The following LEF1 variants were observed in gnomAD, a reference collection of about 807,000 sequenced individuals.
The protein encoded by LEF1 is lymphoid enhancer binding factor 1.
LEF1 carries 14 observed loss-of-function variants against 51.2 expected under a neutral mutation model. That is an observed-to-expected ratio of 0.27 (90% CI 0.18 to 0.43). LEF1 has a LOEUF of 0.43. Among genes scored for constraint, LEF1 ranks in the 20% least tolerant of loss-of-function variants. LEF1 has a pLI of 1.00. For missense variants in LEF1, 386 were observed against 512.0 expected, an observed-to-expected ratio of 0.75 and a Z score of 2.37; for synonymous variants, 185 against 183.2, an observed-to-expected ratio of 1.01 and a Z score of -0.08.
chr4:108,074,324 T>G (rs1738701775), intron 8 of LEF1, among the ~76,000 whole-genome samples: 1 of 152,220 alleles, frequency 6.6e-6, no homozygotes, highest in African/African-American at 2.4e-5. Context: ...CCATTTAATT[T>G]GAATAAACTT....
At chr4:108,143,044 A>G (rs1743770493) in intron 3 of LEF1, among the ~76,000 whole-genome samples, 1 of 152,208 alleles carries the variant, frequency 6.6e-6, no homozygotes, top group South Asian at 2.1e-4. Context: ...ATTCTGCACA[A>G]AACTTCTTAG....
chr4:108,101,918 G>A (rs1489832363), intron 3 of LEF1, among the ~76,000 whole-genome samples: 1 of 152,058 alleles, frequency 6.6e-6, no homozygotes, highest in Non-Finnish European at 1.5e-5. Flanking sequence ...AAATTAGCCA[G>A]ACATGGTGGC....
chr4:108,133,403 C>T (rs1394242384), intron 3 of LEF1, among the ~76,000 whole-genome samples: 1 of 152,162 alleles, frequency 6.6e-6, no homozygotes, highest in African/African-American at 2.4e-5. Flanking sequence ...ATTACAGACT[C>T]GTCCTTCATT....
chr4:108,063,731 G>A, intron 10 of LEF1, 68 bp from the exon 11 acceptor site: 1 of 999,600 alleles, frequency 1.0e-6, no homozygotes, highest in Non-Finnish European at 1.5e-6. Flanking sequence ...ATACGTAGTA[G>A]CTACAATATC....
chr4:108,087,666 GA>G (rs1363875309), intron 4 of LEF1, among the ~76,000 whole-genome samples: 1 of 152,074 alleles, frequency 6.6e-6, no homozygotes, highest in African/African-American at 2.4e-5. Context: ...TAGGACCTAG[GA>G]CAGGGTAAGC....
chr4:108,113,473 A>G (rs1560799537), intron 3 of LEF1, among the ~76,000 whole-genome samples: 1 of 152,156 alleles, frequency 6.6e-6, no homozygotes, highest in Non-Finnish European at 1.5e-5. Flanking sequence ...GGAAACGGGG[A>G]CCAAAGTTAG....
intron 3 of LEF1, among the ~76,000 whole-genome samples, chr4:108,093,735 G>C (rs1199522447): frequency 2.0e-5 from 3 of 151,464 alleles, no homozygotes; most frequent in Non-Finnish European, 4.4e-5. Context: ...CAAAGGAAAA[G>C]ACAAAAAGAG....
chr4:108,109,197 C>T (rs1741366010), intron 3 of LEF1, among the ~76,000 whole-genome samples: 2 of 152,212 alleles, frequency 1.3e-5, no homozygotes, highest in Admixed American at 6.5e-5. Flanking sequence ...AAGAGAAATC[C>T]ACTCCTTGTA....
intron 3 of LEF1, among the ~76,000 whole-genome samples, chr4:108,155,022 A>G (rs1042190474): frequency 2.4e-4 from 36 of 152,304 alleles, no homozygotes; most frequent in African/African-American, 8.4e-4. Flanking sequence ...AATTTAAGCC[A>G]GAAGGAAATT....
At chr4:108,113,341 T>TG (rs1741641822) in intron 3 of LEF1, among the ~76,000 whole-genome samples, 1 of 151,846 alleles carries the variant, frequency 6.6e-6, no homozygotes, top group Non-Finnish European at 1.5e-5. Context: ...TGAGTTTGGG[T>TG]GGGGGAAGTG....
At chr4:108,140,054 T>G (rs2110369710) in intron 3 of LEF1, among the ~76,000 whole-genome samples, 1 of 152,114 alleles carries the variant, frequency 6.6e-6, no homozygotes, top group East Asian at 1.9e-4. Context: ...CAGCTTTCAA[T>G]AAACATAAAA....
chr4:108,167,634 T>C lies in LEF1; in HGVS notation c.134A>G (p.Glu45Gly), dbSNP rs1745498539. The C allele has an allele frequency of 1.2e-6, 2 of 1,614,162 alleles. No homozygotes were observed. Among genetic ancestry groups the C allele is most frequent in the East Asian group, 4.5e-5 (2 of 44,866 alleles). The change falls in exon 1 of 12, where the codon GAA (glutamate) becomes GGA (glycine). Residue 45 changes from glutamate (E) to glycine (G), a missense_variant. Coordinates refer to ENST00000265165, the MANE Select transcript of LEF1 (RefSeq NM_016269.5). The surrounding 1 kb of genome is among the most constrained non-coding windows in gnomAD (Gnocchi z 5.7). ...EKIFAEISHP[E>G]EEGDLADIKS... ...GATGTCAGCTAAATCGCCTTCCTCT[T>C]CGGGATGACTGATCTCGGCGAAGAT...
chr4:108,049,611 CAGCGATGCTGGA>C (rs1259163747), intron 11 of LEF1, among the ~76,000 whole-genome samples: 1 of 152,224 alleles, frequency 6.6e-6, no homozygotes, highest in African/African-American at 2.4e-5. Flanking sequence ...CCTTTGGTGG[CAGCGATGCTGGA>C]AGCACCTTCT....
chr4:108,166,434 A>G, intron 1 of LEF1: 1 of 1,410,882 alleles, frequency 7.1e-7, no homozygotes, highest in Non-Finnish European at 9.2e-7. Context: ...TGGAGGGAAA[A>G]GGCGTTGGTT....
At position 108,092,934 on chromosome 4, in the gene LEF1, A is replaced by AC. The variant is rs1560784261; in HGVS notation, c.415-3678_415-3677insG. ...TGAATATGTAAAAAAAAAAAAAAAA[A>AC]AAAAAAAAAAAAAAAGACAAGCAAA... On this transcript the variant is annotated intron_variant, in intron 3 of 11. Transcript: ENST00000265165. Among the ~76,000 whole-genome samples the AC allele has an allele frequency of 1.8e-3, 265 of 148,382 alleles. 11 individuals carry two copies. The highest frequency in any genetic ancestry group is 3.1e-3 in the Non-Finnish European group (210 of 66,936).
chr4:108,115,154 CA>C (rs1741757576), intron 3 of LEF1, among the ~76,000 whole-genome samples: 1 of 152,118 alleles, frequency 6.6e-6, no homozygotes, highest in Admixed American at 6.5e-5. Flanking sequence ...CTGTTAGGGA[CA>C]AAAAGTATCT....
At chr4:108,156,009 G>C (rs1744672578) in intron 3 of LEF1, among the ~76,000 whole-genome samples, 1 of 151,936 alleles carries the variant, frequency 6.6e-6, no homozygotes, top group Non-Finnish European at 1.5e-5. Context: ...AATACCTCGT[G>C]ATACTGAAAA....
At chr4:108,084,850 A>T (rs1739541071) in intron 4 of LEF1, among the ~76,000 whole-genome samples, 1 of 152,114 alleles carries the variant, frequency 6.6e-6, no homozygotes, top group Non-Finnish European at 1.5e-5. Context: ...ACATATCAGA[A>T]TCATTGAGGA....
At chr4:108,065,883 G>T (rs975783009) in intron 9 of LEF1, among the ~76,000 whole-genome samples, 2 of 152,008 alleles carry the variant, frequency 1.3e-5, no homozygotes, top group Non-Finnish European at 2.9e-5. Flanking sequence ...TTGAGACAGG[G>T]TCTTGCTCTC....
Sources: gnomAD v4.1 joint callset for allele counts (sites outside exome capture counted in the v4.1 genomes callset) on GRCh38, gnomAD v4.1.1 for gene constraint, Gnocchi (gnomAD v3.1) non-coding constraint, MANE v1.5 for transcripts, NCBI Gene and HGNC (gene_info 2026-07-23, HGNC 2026-07-21) for gene names.